Variants in SHC4 observed in about 807,000 individuals in gnomAD.
The protein encoded by SHC4 is SHC-transforming protein 4.
SHC4 carries 41 observed loss-of-function variants against 69.4 expected under a neutral mutation model. The observed-to-expected ratio is 0.59, with a 90% CI of 0.46 to 0.77. The LOEUF (loss-of-function observed/expected upper bound fraction) is 0.77, where lower values mean the gene tolerates loss of function less well. SHC4 is among the 30% of genes least tolerant of loss of function. The pLI is 0.00. For synonymous variants in SHC4, 318 were observed against 299.3 expected, an observed-to-expected ratio of 1.06 and a Z score of -0.64; for missense variants, 777 against 783.8, an observed-to-expected ratio of 0.99 and a Z score of 0.10.
chr15:48,928,613 C>A (rs1900898675), intron 1 of SHC4, among the ~76,000 whole-genome samples: 1 of 152,154 alleles, frequency 6.6e-6, no homozygotes, highest in Non-Finnish European at 1.5e-5. Context: ...TTTTTAGTGT[C>A]TTGGGGGTGA....
intron 5 of SHC4, among the ~76,000 whole-genome samples, chr15:48,869,880 T>C (rs181362224): frequency 2.2e-4 from 34 of 152,344 alleles, no homozygotes; most frequent in African/African-American, 8.2e-4. Context: ...GTGCTCTCAA[T>C]GCAGCAGGTA....
rs1313023122 is a variant in SHC4 at position 48,833,510 on chromosome 15, C to T, written c.1737+1259G>A. Among the ~76,000 whole-genome samples, 3 of 152,124 alleles carry T rather than the reference C, an allele frequency of 2.0e-5. No individual in the cohort carries two copies. In the East Asian group the frequency reaches 5.8e-4, roughly 29 times the overall value. ...CTGGAATTCTGGACACACTTCACTC[C>T]CCTCCCTCCCTTCTGAAGGAGAACC... On this transcript the variant is annotated intron_variant, in intron 11 of 11. Transcript: ENST00000332408.
chr15:48,879,620 T>A (rs928174565), intron 4 of SHC4: 1 of 167,080 alleles, frequency 6.0e-6, no homozygotes, highest in African/African-American at 2.4e-5. Flanking sequence ...TTAATAAAAG[T>A]TGTCAAGTAA....
At chr15:48,944,312 C>T (rs1398206958) in intron 1 of SHC4, among the ~76,000 whole-genome samples, 1 of 151,844 alleles carries the variant, frequency 6.6e-6, no homozygotes, top group African/African-American at 2.4e-5. Flanking sequence ...AACAGATCCC[C>T]AAACTGCCAT....
intron 10 of SHC4, among the ~76,000 whole-genome samples, chr15:48,838,983 A>T (rs766277248): frequency 6.6e-6 from 1 of 152,130 alleles, no homozygotes; most frequent in East Asian, 1.9e-4. Context: ...CAAAGCAAGT[A>T]GAAGGAAAAC....
rs990353354 is a variant in SHC4 at position 48,963,190 on chromosome 15, A to G, written c.-175T>C. 4 of 632,914 alleles carry G rather than the reference A, an allele frequency of 6.3e-6. No homozygotes were observed. The highest frequency in any genetic ancestry group is 3.7e-5 in the African/African-American group (2 of 54,460). 39.2% of individuals were successfully genotyped at this position (632,914 alleles called of 1,614,324 possible). A position where few individuals can be genotyped will look rare whatever the true frequency, so the allele number is the denominator to read the frequency against. ...CCCGGCCCCTTAAGGGTGACAGCCC[A>G]TGGGGGAAACGCCTCCCCTGCTCTG... is the stretch of plus-strand genomic sequence containing the variant. On this transcript the variant is annotated 5_prime_UTR_variant, in exon 1 of 12. The change abolishes an upstream ATG in the 5' untranslated region. Coordinates refer to ENST00000332408, the MANE Select transcript of SHC4 (RefSeq NM_203349.4).
At chr15:48,882,278 A>G (rs991066807) in intron 4 of SHC4, among the ~76,000 whole-genome samples, 1 of 152,050 alleles carries the variant, frequency 6.6e-6, no homozygotes, top group Non-Finnish European at 1.5e-5. Context: ...GCCTGCAGGA[A>G]AGCTCAAAAT....
At chr15:48,917,251 G>GTGTGTGTGTGTGTGTGTGTGTT (rs1900641832) in intron 2 of SHC4, among the ~76,000 whole-genome samples, 7 of 94,726 alleles carry the variant, frequency 7.4e-5, no homozygotes, top group African/African-American at 4.5e-4. Flanking sequence ...TCTTGTGTGT[G>GTGTGTGTGTGTGTGTGTGTGTT]TGTGTGTGTG....
intron 6 of SHC4, among the ~76,000 whole-genome samples, chr15:48,859,978 G>A (rs1221950440): frequency 6.6e-6 from 1 of 151,984 alleles, no homozygotes. Context: ...AGGCTCTAGT[G>A]TACTGTGATC....
At chr15:48,903,953 C>T (rs1900360890) in intron 2 of SHC4, among the ~76,000 whole-genome samples, 2 of 152,152 alleles carry the variant, frequency 1.3e-5, no homozygotes. Flanking sequence ...TTTAAGAAGC[C>T]TTTGCATACT....
intron 4 of SHC4, among the ~76,000 whole-genome samples, chr15:48,873,363 T>C (rs1899726691): frequency 6.6e-6 from 1 of 152,218 alleles, no homozygotes; most frequent in South Asian, 2.1e-4. Context: ...GTGATAATTA[T>C]TACGGACTTA....
intron 2 of SHC4, among the ~76,000 whole-genome samples, chr15:48,923,546 A>C (rs1279362047): frequency 3.8e-4 from 1 of 2,664 alleles, no homozygotes; most frequent in Non-Finnish European, 8.2e-3. Flanking sequence ...CTCTGTCTCA[A>C]AAAAAAAAAA....
At chr15:48,945,005 G>A (rs1421646243) in intron 1 of SHC4, among the ~76,000 whole-genome samples, 1 of 152,180 alleles carries the variant, frequency 6.6e-6, no homozygotes, top group East Asian at 1.9e-4. Context: ...CAACACTGAT[G>A]TTTATGCTTA....
chr15:48,953,383 T>G (rs1901395990), intron 1 of SHC4, among the ~76,000 whole-genome samples: 1 of 152,106 alleles, frequency 6.6e-6, no homozygotes. Context: ...AGTTTACCTA[T>G]GTAACATGTA....
chr15:48,905,790 T>C (rs992400322), intron 2 of SHC4, among the ~76,000 whole-genome samples: 31 of 152,378 alleles, frequency 2.0e-4, no homozygotes, highest in Admixed American at 2.0e-3. Context: ...CATGGACAGA[T>C]ATATAACTAT....
At chr15:48,940,289 A>G (rs536664787) in intron 1 of SHC4, among the ~76,000 whole-genome samples, 1 of 152,326 alleles carries the variant, frequency 6.6e-6, no homozygotes, top group East Asian at 1.9e-4. Context: ...CCAACACATA[A>G]TCCACTTACA....
Position 48,946,324 on chromosome 15 carries a change from T to C in SHC4, c.585+16107A>G, listed in dbSNP as rs1267767335. Among the ~76,000 whole-genome samples, 18 of 152,322 alleles carry C rather than the reference T, an allele frequency of 1.2e-4. 1 individual carries two copies. In the East Asian group the frequency reaches 3.5e-3, roughly 29 times the overall value. Reference sequence around the variant, plus strand: ...CAAACCTTTTTGGAAGTCAGCTGGGTATAAATCATAAATAAATATATTACC... The same window carrying C: ...CAAACCTTTTTGGAAGTCAGCTGGGCATAAATCATAAATAAATATATTACC... On this transcript the variant is annotated intron_variant, in intron 1 of 11. Coordinates refer to ENST00000332408, the MANE Select transcript of SHC4 (RefSeq NM_203349.4).
chr15:48,871,448 C>G (rs1379842815), intron 5 of SHC4, among the ~76,000 whole-genome samples: 1 of 152,198 alleles, frequency 6.6e-6, no homozygotes, highest in Non-Finnish European at 1.5e-5. Context: ...TTCAAAGCCC[C>G]TCTCCTTTTG....
At chr15:48,853,809 C>T (rs1899260896) in intron 8 of SHC4, among the ~76,000 whole-genome samples, 1 of 152,126 alleles carries the variant, frequency 6.6e-6, no homozygotes, top group African/African-American at 2.4e-5. Flanking sequence ...AAACTGGGCC[C>T]TTACTTTTCA....
Sources: allele counts gnomAD v4.1 joint callset (sites outside exome capture counted in the v4.1 genomes callset), GRCh38; gene constraint gnomAD v4.1.1; transcripts MANE v1.5; gene names NCBI Gene and HGNC (gene_info 2026-07-23, HGNC 2026-07-21).